Variants in PXDNL observed in about 807,000 individuals in gnomAD.
The protein encoded by PXDNL is probable oxidoreductase PXDNL.
PXDNL carries 145 observed loss-of-function variants against 150.8 expected under a neutral mutation model. The observed-to-expected ratio is 0.96, with a 90% CI of 0.84 to 1.10. The LOEUF is 1.10. Among genes scored for constraint, PXDNL ranks in the 50% least tolerant of loss-of-function variants. The pLI is 0.00. For synonymous variants in PXDNL, 757 were observed against 725.7 expected, an observed-to-expected ratio of 1.04 and a Z score of -0.69; for missense variants, 2,087 against 1,873.9, an observed-to-expected ratio of 1.11 and a Z score of -2.10.
intron 3 of PXDNL, among the ~76,000 whole-genome samples, chr8:51,585,195 G>A (rs569391028): frequency 3.3e-5 from 5 of 152,262 alleles, no homozygotes; most frequent in Admixed American, 6.5e-5. Context: ...TTTAAGTCAC[G>A]TTAAGTTTGA....
At chr8:51,559,378 T>C (rs1812672381) in intron 3 of PXDNL, among the ~76,000 whole-genome samples, 1 of 147,638 alleles carries the variant, frequency 6.8e-6, no homozygotes, top group African/African-American at 2.5e-5. Flanking sequence ...TTATGAAGTT[T>C]ATAGGGACAG....
At chr8:51,518,239 C>T (rs1811587997) in intron 4 of PXDNL, among the ~76,000 whole-genome samples, 1 of 152,186 alleles carries the variant, frequency 6.6e-6, no homozygotes, top group Non-Finnish European at 1.5e-5. Flanking sequence ...TGCTGAATTT[C>T]CAACTGGCCT....
chr8:51,455,740 A>G (rs908043950), intron 9 of PXDNL, among the ~76,000 whole-genome samples: 2 of 152,158 alleles, frequency 1.3e-5, no homozygotes, highest in African/African-American at 4.8e-5. Context: ...GGAAGGAGAC[A>G]GTGGTGTTTC....
intron 2 of PXDNL, among the ~76,000 whole-genome samples, chr8:51,636,911 C>T (rs776145743): frequency 2.7e-4 from 39 of 142,938 alleles, no homozygotes; most frequent in Non-Finnish European, 5.2e-4. Context: ...GGGTCCCTGA[C>T]CCCAGAGTAG....
intron 2 of PXDNL, among the ~76,000 whole-genome samples, chr8:51,633,881 T>C (rs1814544954): frequency 6.6e-6 from 1 of 152,200 alleles, no homozygotes; most frequent in Admixed American, 6.5e-5. Flanking sequence ...TTCTGAATAC[T>C]AGACTGTTAT....
chr8:51,776,852 A>T (rs1209465435), intron 1 of PXDNL, among the ~76,000 whole-genome samples: 8 of 151,592 alleles, frequency 5.3e-5, no homozygotes, highest in Non-Finnish European at 1.2e-4. Context: ...GTCCTAAATA[A>T]TTTTTTCTTT....
intron 1 of PXDNL, among the ~76,000 whole-genome samples, chr8:51,687,823 C>T (rs899637438): frequency 1.3e-5 from 2 of 152,030 alleles, no homozygotes; most frequent in African/African-American, 4.8e-5. Context: ...AAAGTCAGGC[C>T]TCAGTCACCA....
intron 3 of PXDNL, among the ~76,000 whole-genome samples, chr8:51,573,380 A>G (rs1231069194): frequency 6.6e-6 from 1 of 152,016 alleles, no homozygotes; most frequent in Non-Finnish European, 1.5e-5. Context: ...ACCAGCAATA[A>G]AGAGCTGTCC....
intron 6 of PXDNL, among the ~76,000 whole-genome samples, chr8:51,480,314 G>A (rs1042086230): frequency 2.6e-5 from 4 of 152,172 alleles, no homozygotes; most frequent in African/African-American, 7.2e-5. Context: ...TGTACAGGAA[G>A]CATAGTGCCA....
chr8:51,514,445 C>A (rs977044125), intron 4 of PXDNL, among the ~76,000 whole-genome samples: 11 of 152,238 alleles, frequency 7.2e-5, no homozygotes, highest in African/African-American at 2.4e-4. Context: ...TTTCCAAATG[C>A]AACATTTAAG....
At chr8:51,710,276 C>T (rs563868054) in intron 1 of PXDNL, among the ~76,000 whole-genome samples, 6 of 152,266 alleles carry the variant, frequency 3.9e-5, no homozygotes, top group African/African-American at 1.2e-4. Context: ...TTCAAGTGAA[C>T]ATGAAATTGT....
intron 1 of PXDNL, among the ~76,000 whole-genome samples, chr8:51,688,372 G>A (rs1815919277): frequency 6.6e-6 from 1 of 152,116 alleles, no homozygotes. Flanking sequence ...GTTTTAGAAA[G>A]GGCATTCTGT....
rs745676964 is a variant in PXDNL at position 51,408,787 on chromosome 8, C to T, written c.2837G>A (p.Arg946Gln). 22 of 1,572,180 alleles carry T rather than the reference C, an allele frequency of 1.4e-5. No individual in the cohort carries two copies. The highest frequency in any genetic ancestry group is 2.3e-5 in the East Asian group (1 of 44,348). Residue 946 changes from arginine to glutamine, a missense_variant, in exon 17 of 23, where the codon CGA becomes CAA. By Grantham distance (43) the Arg-to-Gln change is conservative. Transcript: ENST00000356297. ...GAAACAGGGGCTCTCCTGCTCCTGT[C>T]GCGCGCACTCGGTGGGTGGGCCTGT... is the stretch of plus-strand genomic sequence containing the variant. Reference protein sequence around the residue: ...FSTGPPTECARQEQESPCFLA... With the variant: ...FSTGPPTECAQQEQESPCFLA...
At chr8:51,640,278 C>A (rs1376815667) in intron 2 of PXDNL, among the ~76,000 whole-genome samples, 1 of 152,152 alleles carries the variant, frequency 6.6e-6, no homozygotes, top group East Asian at 1.9e-4. Flanking sequence ...GAAGCATTCC[C>A]TTTGAAAACT....
intron 6 of PXDNL, among the ~76,000 whole-genome samples, chr8:51,478,897 T>G (rs1239793970): frequency 2.0e-5 from 3 of 152,236 alleles, no homozygotes; most frequent in Non-Finnish European, 4.4e-5. Flanking sequence ...CCTGAGCAGG[T>G]TGCTCAAATC....
chr8:51,558,410 T>C (rs1812640361), intron 3 of PXDNL, among the ~76,000 whole-genome samples: 1 of 152,080 alleles, frequency 6.6e-6, no homozygotes, highest in Non-Finnish European at 1.5e-5. Context: ...AACTACCTCC[T>C]GGTAAAGGCC....
chr8:51,340,750 C>T (rs1805963971), intron 20 of PXDNL, among the ~76,000 whole-genome samples: 1 of 152,236 alleles, frequency 6.6e-6, no homozygotes, highest in Admixed American at 6.5e-5. Context: ...TCCATGTCCT[C>T]TGAGGCACTG....
chr8:51,625,055 A>G (rs1368340210), intron 2 of PXDNL, among the ~76,000 whole-genome samples: 1 of 152,162 alleles, frequency 6.6e-6, no homozygotes, highest in Non-Finnish European at 1.5e-5. Context: ...GGGGATATAA[A>G]GATAATAAAA....
At chr8:51,767,345 G>A (rs1288980841) in intron 1 of PXDNL, among the ~76,000 whole-genome samples, 1 of 151,728 alleles carries the variant, frequency 6.6e-6, no homozygotes, top group Admixed American at 6.6e-5. Flanking sequence ...TTTAAAATCT[G>A]AACCCCTTCC....
Sources: gnomAD v4.1 joint callset for allele counts (sites outside exome capture counted in the v4.1 genomes callset) on GRCh38, gnomAD v4.1.1 for gene constraint, MANE v1.5 for transcripts, NCBI Gene and HGNC (gene_info 2026-07-23, HGNC 2026-07-21) for gene names.